Variants in PLXDC2 observed in about 807,000 individuals in gnomAD.
PLXDC2 encodes plexin domain containing 2.
In PLXDC2, 40 loss-of-function variants were observed where a neutral mutation model predicts 68.9. The observed-to-expected ratio is 0.58, with a 90% CI of 0.45 to 0.76. PLXDC2 has a LOEUF of 0.76. PLXDC2 is among the 30% of genes least tolerant of loss of function. The pLI, the probability that PLXDC2 is intolerant of heterozygous loss-of-function variation, is 0.00. For missense variants in PLXDC2, 644 were observed against 661.9 expected (o/e 0.97, Z 0.30); for synonymous variants, 243 against 234.2 (o/e 1.04, Z -0.34).
At chr10:20,068,822 G>A (rs1836265608) in intron 4 of PLXDC2, among the ~76,000 whole-genome samples, 1 of 151,940 alleles carries the variant, frequency 6.6e-6, no homozygotes, top group Non-Finnish European at 1.5e-5. Context: ...CAAGCTTGGA[G>A]GTTAGTTTAG....
At chr10:20,048,590 T>C (rs1835837343) in intron 3 of PLXDC2, among the ~76,000 whole-genome samples, 1 of 152,130 alleles carries the variant, frequency 6.6e-6, no homozygotes, top group Admixed American at 6.6e-5. Context: ...TCGTGGAATT[T>C]TGAATGTTGG....
At chr10:20,252,686 C>G (rs1835693894) in intron 13 of PLXDC2, among the ~76,000 whole-genome samples, 1 of 152,168 alleles carries the variant, frequency 6.6e-6, no homozygotes, top group African/African-American at 2.4e-5. Context: ...TATTATGCAC[C>G]AAGTCCCCAA....
intron 9 of PLXDC2, among the ~76,000 whole-genome samples, chr10:20,200,006 A>G (rs1834895428): frequency 6.6e-6 from 1 of 151,980 alleles, no homozygotes. Flanking sequence ...GGTAGCTAGG[A>G]GAGAATCTGG....
intron 9 of PLXDC2, among the ~76,000 whole-genome samples, chr10:20,204,888 G>T (rs1038048906): frequency 6.6e-6 from 1 of 152,094 alleles, no homozygotes; most frequent in Non-Finnish European, 1.5e-5. Flanking sequence ...TTCTAATGGG[G>T]TCTTAAGATT....
rs556399847 is a variant in PLXDC2, at chr10:20,030,659, G to T, written c.325-16210G>T. 4.6e-5 allele frequency among the ~76,000 whole-genome samples: 7 copies of T among 152,236 alleles called. No individual in the cohort carries two copies. In the South Asian group the frequency reaches 1.5e-3, roughly 32 times the overall value. Reference sequence around the variant, plus strand: ...TAAATAAAGGGTCAAAAGTTGCTTAGCTCTGATTGGTAGATACAGCTGAGC... The same window carrying T: ...TAAATAAAGGGTCAAAAGTTGCTTATCTCTGATTGGTAGATACAGCTGAGC... On this transcript the variant is annotated intron_variant, in intron 2 of 13. Coordinates refer to ENST00000377252, the MANE Select transcript of PLXDC2 (RefSeq NM_032812.9).
At chr10:19,830,499 G>A (rs925282327) in intron 1 of PLXDC2, among the ~76,000 whole-genome samples, 1 of 152,086 alleles carries the variant, frequency 6.6e-6, no homozygotes, top group African/African-American at 2.4e-5. Context: ...TCATGGTATG[G>A]TGTGAACATC....
intron 2 of PLXDC2, among the ~76,000 whole-genome samples, chr10:20,002,459 C>T (rs1036667194): frequency 2.6e-5 from 4 of 152,014 alleles, no homozygotes; most frequent in Admixed American, 6.6e-5. Flanking sequence ...GGCATTTCAC[C>T]ATGTTTGCCA....
At chr10:20,195,617 ATCTCT>A (rs1367173335) in intron 9 of PLXDC2, among the ~76,000 whole-genome samples, 2 of 152,126 alleles carry the variant, frequency 1.3e-5, no homozygotes, top group African/African-American at 2.4e-5. Flanking sequence ...GTCTTTATCC[ATCTCT>A]CTGTAATTCT....
chr10:20,220,331 G>A (rs531184506), intron 12 of PLXDC2, among the ~76,000 whole-genome samples: 5 of 152,240 alleles, frequency 3.3e-5, no homozygotes, highest in African/African-American at 1.2e-4. Context: ...CTATGTTGGG[G>A]TTACCTCATT....
chr10:19,841,537 GTT>G (rs34818991), intron 1 of PLXDC2, among the ~76,000 whole-genome samples: 35,725 of 126,838 alleles, frequency 0.28, 5,024 homozygotes, highest in East Asian at 0.45. Context: ...GTGTTTCAGG[GTT>G]TTTTTTTTTT....
At chr10:20,112,432 G>C (rs576055722) in intron 4 of PLXDC2, among the ~76,000 whole-genome samples, 1 of 151,738 alleles carries the variant, frequency 6.6e-6, no homozygotes, top group Admixed American at 6.6e-5. Flanking sequence ...TGAATGTACA[G>C]ACTTGATCAC....
chr10:20,088,900 A>C (rs1282673256), intron 4 of PLXDC2, among the ~76,000 whole-genome samples: 1 of 152,186 alleles, frequency 6.6e-6, no homozygotes, highest in South Asian at 2.1e-4. Flanking sequence ...TTAATACTGC[A>C]TATCATTTTT....
intron 1 of PLXDC2, among the ~76,000 whole-genome samples, chr10:19,855,684 G>C (rs1368491784): frequency 6.6e-6 from 1 of 152,138 alleles, no homozygotes; most frequent in Non-Finnish European, 1.5e-5. Context: ...TTGGATTTTG[G>C]AGTATTTTGG....
chr10:20,241,500 GC>G (rs977395634), intron 12 of PLXDC2, among the ~76,000 whole-genome samples: 136 of 152,250 alleles, frequency 8.9e-4, no homozygotes, highest in African/African-American at 3.2e-3. Context: ...AAGAAGTAAG[GC>G]TAAACCAGGT....
In PLXDC2 at chr10:20,134,901, C is replaced by T. The variant is rs556632394; in HGVS notation, c.542-8394C>T. Among the ~76,000 whole-genome samples, 5 of 152,204 alleles carry T rather than the reference C, an allele frequency of 3.3e-5. No homozygotes were observed. In the South Asian group the frequency reaches 6.2e-4, roughly 19 times the overall value. The stretch of plus-strand genomic sequence containing the variant: ...GATGGGCCAGTGTTGGGGTCTACAG[C>T]GAAACTTGGTGCTGCTCACTTTACT... On this transcript the variant is annotated intron_variant, in intron 4 of 13. Coordinates refer to ENST00000377252, the MANE Select transcript of PLXDC2 (RefSeq NM_032812.9).
At chr10:20,152,950 C>T (rs915202966) in intron 6 of PLXDC2, among the ~76,000 whole-genome samples, 9 of 152,136 alleles carry the variant, frequency 5.9e-5, no homozygotes, top group African/African-American at 2.2e-4. Flanking sequence ...TAATACTGTA[C>T]AGCTAAGCCC....
chr10:19,913,085 A>G (rs533425913), intron 1 of PLXDC2, among the ~76,000 whole-genome samples: 19 of 152,346 alleles, frequency 1.2e-4, no homozygotes, highest in Non-Finnish European at 2.4e-4. Flanking sequence ...GCTATACACA[A>G]TGAATTGAAT....
intron 1 of PLXDC2, among the ~76,000 whole-genome samples, chr10:19,850,242 T>C (rs183543997): frequency 4.6e-4 from 70 of 151,864 alleles, no homozygotes; most frequent in African/African-American, 1.6e-3. Context: ...ATCCCTTATC[T>C]AACCTAGGAG....
Position 19,927,571 on chromosome 10 carries a change from G to A in PLXDC2, c.113-74204G>A, listed in dbSNP as rs184041551. Among the ~76,000 whole-genome samples the A allele has an allele frequency of 6.6e-3, 1,002 of 151,728 alleles. 8 individuals carry two copies. Among genetic ancestry groups the A allele is most frequent in the South Asian group, 0.011 (53 of 4,808 alleles). On this transcript the variant is annotated intron_variant, in intron 1 of 13. Coordinates refer to ENST00000377252, the MANE Select transcript of PLXDC2 (RefSeq NM_032812.9). ...ACAAAAATTAGCTGGGCGTGGTGGC[G>A]CATGGCTATAGTCCCAGCTACTCGG...
Sources: allele counts gnomAD v4.1 joint callset (sites outside exome capture counted in the v4.1 genomes callset), GRCh38; gene constraint gnomAD v4.1.1; transcripts MANE v1.5; gene names NCBI Gene and HGNC (gene_info 2026-07-23, HGNC 2026-07-21).